The following GLCCI1 variants were observed in gnomAD, a reference collection of about 807,000 sequenced individuals.
GLCCI1 encodes the protein glucocorticoid induced 1.
In GLCCI1, 24 loss-of-function variants were observed where a neutral mutation model predicts 52.2. The ratio of observed to expected loss-of-function variants is 0.46; its 90% CI spans 0.33 to 0.65. GLCCI1 has a LOEUF of 0.65. GLCCI1 is among the 30% of genes least tolerant of loss of function. The probability of loss-of-function intolerance (pLI) is 0.02; values close to 1 mark genes in which losing one functional copy is unlikely to be tolerated. For synonymous variants in GLCCI1, 310 were observed against 276.5 expected, an observed-to-expected ratio of 1.12 and a Z score of -1.20; for missense variants, 704 against 701.5, an observed-to-expected ratio of 1.00 and a Z score of -0.04.
intron 1 of GLCCI1, among the ~76,000 whole-genome samples, chr7:7,995,080 A>G (rs1403645379): frequency 6.6e-6 from 1 of 152,232 alleles, no homozygotes; most frequent in Non-Finnish European, 1.5e-5. Context: ...AGTAAAAGCA[A>G]GTGAAAAATT....
intron 1 of GLCCI1, among the ~76,000 whole-genome samples, chr7:7,974,919 C>G (rs1279495617): frequency 1.3e-5 from 2 of 152,136 alleles, no homozygotes; most frequent in Non-Finnish European, 2.9e-5. Context: ...GTCTAAGAAG[C>G]TAAATCACTG....
rs1780279342 is a variant in GLCCI1, at chr7:7,969,191, T to G, written c.-160T>G. 28 of 622,034 alleles carry G rather than the reference T, an allele frequency of 4.5e-5. No homozygotes were observed. The highest frequency in any genetic ancestry group is 5.8e-5 in the South Asian group (1 of 17,140). The allele number at this position is 622,034 out of a possible 1,614,324, so 38.5% of individuals were successfully genotyped here. A position where few individuals can be genotyped will look rare whatever the true frequency, so the allele number is the denominator to read the frequency against. On this transcript the variant is annotated 5_prime_UTR_variant, in exon 1 of 8. Transcript: ENST00000223145. The surrounding 1 kb of genome is among the most constrained non-coding windows in gnomAD (Gnocchi z 4.9). ...CTCGCCGAGGCGGCGGGGGTGTGCG[T>G]TGGGGAGGGGGAGCCCCGAGACTCC...
intron 6 of GLCCI1, among the ~76,000 whole-genome samples, chr7:8,076,263 C>A (rs1782875360): frequency 1.3e-5 from 2 of 152,092 alleles, no homozygotes; most frequent in South Asian, 4.1e-4. Context: ...AGCTACCACA[C>A]CTTGAAAAAT....
At chr7:8,027,404 C>T (rs1781645426) in intron 3 of GLCCI1, among the ~76,000 whole-genome samples, 1 of 152,142 alleles carries the variant, frequency 6.6e-6, no homozygotes, top group Admixed American at 6.5e-5. Context: ...GCAAGAATCG[C>T]TTGAGCCTGG....
rs567627563 is a variant in GLCCI1 at position 7,975,412 on chromosome 7, CAT to C, written c.457+5610_457+5611del. ...TAGTTTTAGGTAGGAAAGAAGAAAACATATATTTGTGTGCTAACTATATACCA... is the reference window on the plus strand; with the variant it reads ...TAGTTTTAGGTAGGAAAGAAGAAAACATATTTGTGTGCTAACTATATACCA... On this transcript the variant is annotated intron_variant, in intron 1 of 7. Transcript: ENST00000223145. Among the ~76,000 whole-genome samples the C allele has an allele frequency of 1.6e-3, 246 of 152,244 alleles. 2 individuals are homozygous for C. The highest frequency in any genetic ancestry group is 5.3e-3 in the African/African-American group (220 of 41,534).
chr7:7,992,742 T>C (rs192376204), intron 1 of GLCCI1, among the ~76,000 whole-genome samples: 7 of 152,258 alleles, frequency 4.6e-5, no homozygotes, highest in Non-Finnish European at 8.8e-5. Context: ...CATATTACTT[T>C]CTCTTGAAAT....
At chr7:8,048,846 A>G (rs1366395865) in intron 3 of GLCCI1, among the ~76,000 whole-genome samples, 2 of 152,200 alleles carry the variant, frequency 1.3e-5, no homozygotes, top group African/African-American at 4.8e-5. Context: ...GATCCTGTAC[A>G]TACAGTAGAT....
chr7:8,065,282 A>T (rs1019799348), intron 5 of GLCCI1, among the ~76,000 whole-genome samples: 4 of 152,224 alleles, frequency 2.6e-5, no homozygotes, highest in African/African-American at 9.6e-5. Context: ...GAAGTTGTTT[A>T]TCAGATCAAG....
At chr7:8,038,485 G>T (rs1163494931) in intron 3 of GLCCI1, among the ~76,000 whole-genome samples, 1 of 152,120 alleles carries the variant, frequency 6.6e-6, no homozygotes, top group Non-Finnish European at 1.5e-5. Flanking sequence ...TGACAAAGTT[G>T]ACAAAACATA....
At chr7:8,075,502 C>A (rs1782858846) in intron 6 of GLCCI1, among the ~76,000 whole-genome samples, 1 of 152,130 alleles carries the variant, frequency 6.6e-6, no homozygotes, top group Non-Finnish European at 1.5e-5. Flanking sequence ...AAATAAAGTT[C>A]AAGGAACAAA....
intron 2 of GLCCI1, among the ~76,000 whole-genome samples, chr7:8,005,533 A>G (rs1047145207): frequency 6.6e-6 from 1 of 152,184 alleles, no homozygotes; most frequent in African/African-American, 2.4e-5. Context: ...TAAATGATTT[A>G]TTTAGGAGCA....
intron 3 of GLCCI1, among the ~76,000 whole-genome samples, chr7:8,028,518 T>C (rs1370719252): frequency 6.6e-6 from 1 of 151,544 alleles, no homozygotes; most frequent in African/African-American, 2.4e-5. Context: ...GAAGAAAAAC[T>C]TCAAATAAAT....
intron 6 of GLCCI1, 72 bp from the exon 7 acceptor site, chr7:8,084,825 G>A: frequency 6.6e-7 from 1 of 1,523,142 alleles, no homozygotes; most frequent in Non-Finnish European, 9.0e-7. Context: ...TTGTGCAAAA[G>A]GCTGTTTGTT....
At chr7:8,008,105 T>C (rs1781193096) in intron 2 of GLCCI1, among the ~76,000 whole-genome samples, 1 of 122,962 alleles carries the variant, frequency 8.1e-6, no homozygotes, top group Non-Finnish European at 1.9e-5. Context: ...TAAAATCTAC[T>C]CTCTTAGCAA....
At chr7:8,019,315 T>C (rs1050450026) in intron 2 of GLCCI1, among the ~76,000 whole-genome samples, 2 of 152,244 alleles carry the variant, frequency 1.3e-5, no homozygotes, top group African/African-American at 4.8e-5. Flanking sequence ...TCCTCATTAA[T>C]TTAAATCTAA....
intron 6 of GLCCI1, among the ~76,000 whole-genome samples, chr7:8,079,233 A>G (rs116826873): frequency 0.024 from 3,676 of 151,884 alleles, 136 homozygotes; most frequent in African/African-American, 0.081. Flanking sequence ...GGAGACCACA[A>G]TTGTAGGATA....
intron 2 of GLCCI1, among the ~76,000 whole-genome samples, chr7:8,004,706 T>C (rs1245385534): frequency 2.0e-5 from 3 of 152,208 alleles, no homozygotes. Context: ...AGTCATTGGT[T>C]TTAAAAAACC....
At chr7:8,025,745 ATAACT>A (rs1781605682) in intron 3 of GLCCI1, among the ~76,000 whole-genome samples, 2 of 152,232 alleles carry the variant, frequency 1.3e-5, no homozygotes, top group African/African-American at 4.8e-5. Flanking sequence ...GGGACCACTA[ATAACT>A]TTAACAGCTG....
rs139162696 is a variant in GLCCI1 at position 8,075,732 on chromosome 7, C to CA, written c.1177+4602dup. 4.3e-4 allele frequency among the ~76,000 whole-genome samples: 66 copies of CA among 152,268 alleles called. 1 individual carries two copies. The East Asian group carries it at 0.013, about 29-fold the overall frequency. Reference sequence around the variant, plus strand: ...TTGTGGAAACATTGATTATTGTAATCATGAAATAAATGGAATCGTTTGATT... The same window carrying CA: ...TTGTGGAAACATTGATTATTGTAATCAATGAAATAAATGGAATCGTTTGATT... On this transcript the variant is annotated intron_variant, in intron 6 of 7. Coordinates refer to ENST00000223145, the MANE Select transcript of GLCCI1 (RefSeq NM_138426.4).
Sources: gnomAD v4.1 joint callset for allele counts (sites outside exome capture counted in the v4.1 genomes callset) on GRCh38, gnomAD v4.1.1 for gene constraint, Gnocchi (gnomAD v3.1) non-coding constraint, MANE v1.5 for transcripts, NCBI Gene and HGNC (gene_info 2026-07-23, HGNC 2026-07-21) for gene names.